Variants in PIP4K2A observed in about 807,000 individuals in gnomAD.
PIP4K2A encodes phosphatidylinositol-5-phosphate 4-kinase type 2 alpha, also known as phosphatidylinositol 5-phosphate 4-kinase type-2 alpha.
Under a neutral mutation model 42.9 loss-of-function variants are expected in PIP4K2A, and 14 were observed. The ratio of observed to expected loss-of-function variants is 0.33; its 90% CI spans 0.22 to 0.51. The LOEUF is 0.51. Among genes scored for constraint, PIP4K2A ranks in the 20% least tolerant of loss-of-function variants. The pLI, the probability that PIP4K2A is intolerant of heterozygous loss-of-function variation, is 0.97. For missense variants in PIP4K2A, 434 were observed against 519.8 expected (o/e 0.83, Z 1.61); for synonymous variants, 192 against 192.2 (o/e 1.00, Z 0.01).
chr10:22,696,009 A>G (rs1839964055), intron 1 of PIP4K2A, among the ~76,000 whole-genome samples: 1 of 152,066 alleles, frequency 6.6e-6, no homozygotes, highest in South Asian at 2.1e-4. Flanking sequence ...CATGCGCAAT[A>G]TTTTTGTAAG....
intron 1 of PIP4K2A, among the ~76,000 whole-genome samples, chr10:22,664,046 TACATATGTATATATAC>T (rs1839261747): frequency 2.2e-5 from 2 of 91,502 alleles, no homozygotes; most frequent in Non-Finnish European, 4.0e-5. Context: ...TATATATATA[TACATATGTATATATAC>T]ATATATATAT....
intron 1 of PIP4K2A, among the ~76,000 whole-genome samples, chr10:22,712,708 A>C (rs1336134982): frequency 6.6e-6 from 1 of 152,210 alleles, no homozygotes; most frequent in Non-Finnish European, 1.5e-5. Context: ...ATAGCTAAAG[A>C]AGTTGCCAGG....
At chr10:22,573,504 T>C (rs1031679279) in intron 4 of PIP4K2A, 47 bp from the exon 5 acceptor site, 12 of 1,547,114 alleles carry the variant, frequency 7.8e-6, no homozygotes, top group African/African-American at 2.8e-5. Context: ...AATCAAAAGA[T>C]TGCTTCCTTA....
chr10:22,564,921 T>C (rs1310011792), intron 6 of PIP4K2A, among the ~76,000 whole-genome samples: 1 of 152,214 alleles, frequency 6.6e-6, no homozygotes, highest in Non-Finnish European at 1.5e-5. Flanking sequence ...CATCTGACGC[T>C]GGGAAGTTCA....
chr10:22,654,573 C>G (rs1262418598), intron 1 of PIP4K2A, among the ~76,000 whole-genome samples: 1 of 152,102 alleles, frequency 6.6e-6, no homozygotes, highest in East Asian at 1.9e-4. Context: ...GTGAAGCTGT[C>G]GCTGAGAAAC....
chr10:22,661,015 G>A (rs1459032298), intron 1 of PIP4K2A, among the ~76,000 whole-genome samples: 1 of 152,188 alleles, frequency 6.6e-6, no homozygotes, highest in African/African-American at 2.4e-5. Flanking sequence ...GGTTGTGTGT[G>A]TCTGGGGACA....
chr10:22,617,915 CA>C (rs1838213671), intron 1 of PIP4K2A, among the ~76,000 whole-genome samples: 1 of 152,264 alleles, frequency 6.6e-6, no homozygotes, highest in African/African-American at 2.4e-5. Context: ...TATTTTAAAA[CA>C]TAATTCAATA....
At chr10:22,630,809 G>C (rs1838531648) in intron 1 of PIP4K2A, among the ~76,000 whole-genome samples, 1 of 152,190 alleles carries the variant, frequency 6.6e-6, no homozygotes, top group African/African-American at 2.4e-5. Flanking sequence ...TTGCAGGGAT[G>C]ACTCACCATC....
chr10:22,686,165 C>T (rs1469276537), intron 1 of PIP4K2A, among the ~76,000 whole-genome samples: 3 of 152,108 alleles, frequency 2.0e-5, no homozygotes, highest in South Asian at 2.1e-4. Flanking sequence ...CGGCACATTT[C>T]GGATAATTTC....
At chr10:22,628,009 T>A (rs946074364) in intron 1 of PIP4K2A, among the ~76,000 whole-genome samples, 1 of 152,204 alleles carries the variant, frequency 6.6e-6, no homozygotes, top group Non-Finnish European at 1.5e-5. Context: ...AAGAAACAGT[T>A]GTTGACCAAA....
intron 4 of PIP4K2A, among the ~76,000 whole-genome samples, chr10:22,575,364 T>A (rs1315526538): frequency 6.6e-6 from 1 of 152,154 alleles, no homozygotes; most frequent in Non-Finnish European, 1.5e-5. Flanking sequence ...TTGGTTTTGC[T>A]GCTCAACCCC....
chr10:22,583,093 G>A (rs1186509997), intron 4 of PIP4K2A, among the ~76,000 whole-genome samples: 1 of 152,166 alleles, frequency 6.6e-6, no homozygotes, highest in African/African-American at 2.4e-5. Flanking sequence ...ACACGGATGT[G>A]CCTCATTCAA....
chr10:22,703,841 T>C (rs1057419062), intron 1 of PIP4K2A, among the ~76,000 whole-genome samples: 4 of 151,890 alleles, frequency 2.6e-5, no homozygotes, highest in African/African-American at 9.7e-5. Flanking sequence ...GACTCAAAAA[T>C]TGGATGTGGA....
chr10:22,576,843 AGGTGG>A (rs1837135550), intron 4 of PIP4K2A, among the ~76,000 whole-genome samples: 1 of 152,178 alleles, frequency 6.6e-6, no homozygotes, highest in Non-Finnish European at 1.5e-5. Flanking sequence ...TGGGAGGCCA[AGGTGG>A]GCGGATAGCT....
chr10:22,536,057 C>A lies in PIP4K2A; in HGVS notation c.*1144G>T, dbSNP rs1835910301. 2 of 398,340 alleles carry A rather than the reference C, an allele frequency of 5.0e-6. No homozygotes were observed. The highest frequency in any genetic ancestry group is 8.8e-6 in the Non-Finnish European group (2 of 225,990). 24.7% of individuals were successfully genotyped at this position (398,340 alleles called of 1,614,324 possible). A position where few individuals can be genotyped will look rare whatever the true frequency, so the allele number is the denominator to read the frequency against. ...ACTTCAAAAATCACATGCTGTACAT[C>A]AAATTTTTAGATTCAAAAGATATCC... On this transcript the variant is annotated 3_prime_UTR_variant, in exon 10 of 10. Transcript: ENST00000376573.
intron 1 of PIP4K2A, among the ~76,000 whole-genome samples, chr10:22,612,189 T>G (rs1838059685): frequency 6.6e-6 from 1 of 152,254 alleles, no homozygotes; most frequent in African/African-American, 2.4e-5. Context: ...GTCCACTCTG[T>G]GCTGGGCACA....
intron 1 of PIP4K2A, among the ~76,000 whole-genome samples, chr10:22,660,339 C>T (rs764512181): frequency 2.0e-5 from 3 of 152,040 alleles, no homozygotes; most frequent in Non-Finnish European, 2.9e-5. Context: ...GGTGTGGAAG[C>T]GCGTGCCTGT....
intron 7 of PIP4K2A, among the ~76,000 whole-genome samples, chr10:22,543,751 T>C (rs1836188289): frequency 6.6e-6 from 1 of 152,162 alleles, no homozygotes; most frequent in Non-Finnish European, 1.5e-5. Context: ...GGGAGAAATC[T>C]ACAGTGGTGG....
intron 1 of PIP4K2A, among the ~76,000 whole-genome samples, chr10:22,661,349 CTTTTTTT>C (rs374324575): frequency 8.0e-5 from 8 of 99,824 alleles, no homozygotes; most frequent in African/African-American, 3.1e-4. Flanking sequence ...ATGATGCTGC[CTTTTTTT>C]TTTTTTTTTT....
Sources: gnomAD v4.1 joint callset for allele counts (sites outside exome capture counted in the v4.1 genomes callset) on GRCh38, gnomAD v4.1.1 for gene constraint, MANE v1.5 for transcripts, NCBI Gene and HGNC (gene_info 2026-07-23, HGNC 2026-07-21) for gene names.